Variants in XKR6 observed in about 807,000 individuals in gnomAD.
XKR6 encodes XK-related protein 6.
XKR6 carries 22 observed loss-of-function variants against 56.7 expected under a neutral mutation model. The observed-to-expected ratio is 0.39, with a 90% CI of 0.28 to 0.55. The LOEUF (loss-of-function observed/expected upper bound fraction) is 0.55, where lower values mean the gene tolerates loss of function less well. XKR6 is among the 20% of genes least tolerant of loss of function. The probability of loss-of-function intolerance (pLI) is 0.66; values close to 1 mark genes in which losing one functional copy is unlikely to be tolerated. For missense variants in XKR6, 852 were observed against 889.0 expected, an observed-to-expected ratio of 0.96 and a Z score of 0.53; for synonymous variants, 524 against 387.8, an observed-to-expected ratio of 1.35 and a Z score of -4.13.
At chr8:11,162,102 A>G (rs1801842302) in intron 1 of XKR6, among the ~76,000 whole-genome samples, 1 of 152,276 alleles carries the variant, frequency 6.6e-6, no homozygotes, top group African/African-American at 2.4e-5. Context: ...TGACCAAGAT[A>G]GAAAGCTTTT....
intron 1 of XKR6, among the ~76,000 whole-genome samples, chr8:11,135,362 T>C (rs563607941): frequency 3.8e-4 from 58 of 152,258 alleles, no homozygotes; most frequent in African/African-American, 1.1e-3. Flanking sequence ...GACAAAAATA[T>C]TGAGTTTCTG....
Position 10,924,816 on chromosome 8 carries a change from A to G in XKR6, c.779T>C (p.Met260Thr). ...CCGCTGGCTCTGAATCCCCAGGTACATGGTGCGGATATACCTGCCCAGAGA... is the reference window on the plus strand; with the variant it reads ...CCGCTGGCTCTGAATCCCCAGGTACGTGGTGCGGATATACCTGCCCAGAGA... ...MGQVWRYIRT[M>T]YLGIQSQRRK... Residue 260 changes from methionine (M) to threonine (T), a missense_variant, in exon 2 of 3, where the codon ATG becomes ACG. This residue lies in a region of XKR6 where 199 missense variants were observed against 280.4 expected (regional missense o/e 0.71). Coordinates refer to ENST00000416569, the MANE Select transcript of XKR6 (RefSeq NM_173683.4). The G allele has an allele frequency of 6.2e-7, 1 of 1,613,714 alleles. No individual in the cohort carries two copies. The highest frequency in any genetic ancestry group is 8.5e-7 in the Non-Finnish European group (1 of 1,179,844).
At chr8:11,089,592 G>A (rs1052673077) in intron 1 of XKR6, among the ~76,000 whole-genome samples, 3 of 152,150 alleles carry the variant, frequency 2.0e-5, no homozygotes, top group African/African-American at 7.2e-5. Context: ...AGCTATGACT[G>A]TTCTACTGTA....
At chr8:10,916,167 T>C (rs1398418515) in intron 2 of XKR6, among the ~76,000 whole-genome samples, 1 of 152,230 alleles carries the variant, frequency 6.6e-6, no homozygotes, top group African/African-American at 2.4e-5. Context: ...ACATAGGAAC[T>C]CTGGACCAGG....
intron 1 of XKR6, among the ~76,000 whole-genome samples, chr8:11,047,114 C>T (rs28455558): frequency 0.16 from 24,549 of 151,990 alleles, 3,070 homozygotes; most frequent in African/African-American, 0.36. Flanking sequence ...TATTGTCTAC[C>T]TGAAATTTAC....
intron 1 of XKR6, among the ~76,000 whole-genome samples, chr8:11,084,110 C>A (rs1189282768): frequency 6.6e-6 from 1 of 152,238 alleles, no homozygotes; most frequent in Non-Finnish European, 1.5e-5. Context: ...TCAGTTTCCA[C>A]AATGATACAC....
intron 1 of XKR6, among the ~76,000 whole-genome samples, chr8:11,130,301 T>C (rs1260609784): frequency 1.3e-5 from 2 of 152,124 alleles, no homozygotes; most frequent in African/African-American, 4.8e-5. Flanking sequence ...TCCTCTTCAC[T>C]TACTGGTCAA....
Position 11,085,859 on chromosome 8 carries a change from G to A in XKR6, c.764+114717C>T, listed in dbSNP as rs539147759. Among the ~76,000 whole-genome samples, 91 of 152,246 alleles carry A rather than the reference G, an allele frequency of 6.0e-4. 1 individual carries two copies. The highest frequency in any genetic ancestry group is 2.9e-3 in the Admixed American group (44 of 15,292). Reference sequence around the variant, plus strand: ...AGGGCCTGCAGATGCCCTACCTTGCGTCACTCAGGGAGTCTGAGAATGCTG... The same window carrying A: ...AGGGCCTGCAGATGCCCTACCTTGCATCACTCAGGGAGTCTGAGAATGCTG... On this transcript the variant is annotated intron_variant, in intron 1 of 2. Coordinates refer to ENST00000416569, the MANE Select transcript of XKR6 (RefSeq NM_173683.4).
At chr8:10,964,010 G>C (rs997424670) in intron 1 of XKR6, among the ~76,000 whole-genome samples, 2 of 152,230 alleles carry the variant, frequency 1.3e-5, no homozygotes, top group Non-Finnish European at 2.9e-5. Flanking sequence ...CTACCGCAGA[G>C]GGTGGTGGCA....
At chr8:11,088,039 T>G (rs891314395) in intron 1 of XKR6, among the ~76,000 whole-genome samples, 1 of 152,184 alleles carries the variant, frequency 6.6e-6, no homozygotes, top group Non-Finnish European at 1.5e-5. Flanking sequence ...TCCAGGAATG[T>G]AGTAGGAAGA....
chr8:11,093,257 G>C (rs189040912), intron 1 of XKR6, among the ~76,000 whole-genome samples: 1 of 152,228 alleles, frequency 6.6e-6, no homozygotes, highest in Admixed American at 6.5e-5. Context: ...CTTTCACCAT[G>C]TTGACCAGGC....
intron 1 of XKR6, among the ~76,000 whole-genome samples, chr8:11,142,858 A>G (rs994396873): frequency 5.9e-5 from 9 of 152,224 alleles, no homozygotes; most frequent in Non-Finnish European, 2.9e-5. Context: ...GAGAATGACA[A>G]TGAATTGTAA....
chr8:10,952,640 A>G (rs1347209565), intron 1 of XKR6, among the ~76,000 whole-genome samples: 1 of 152,108 alleles, frequency 6.6e-6, no homozygotes, highest in Non-Finnish European at 1.5e-5. Context: ...TTTTTTGTAG[A>G]GACGGTTATA....
In XKR6 at chr8:11,010,371, T is replaced by C. The variant is rs150094004; in HGVS notation, c.765-85541A>G. Among the ~76,000 whole-genome samples, 331 of 152,228 alleles carry C rather than the reference T, an allele frequency of 2.2e-3. 1 individual carries two copies. Among genetic ancestry groups the C allele is most frequent in the Middle Eastern group, 6.8e-3 (2 of 294 alleles). On this transcript the variant is annotated intron_variant, in intron 1 of 2. Transcript: ENST00000416569. ...CAAACCATACCAATAATAATAGTAATAGTAAAAACTGGTCCCAGGCACTTA... is the reference window on the plus strand; with the variant it reads ...CAAACCATACCAATAATAATAGTAACAGTAAAAACTGGTCCCAGGCACTTA...
chr8:10,937,306 A>AT (rs1801233282), intron 1 of XKR6, among the ~76,000 whole-genome samples: 1 of 140,788 alleles, frequency 7.1e-6, no homozygotes, highest in African/African-American at 2.7e-5. Context: ...ATACTTCTAA[A>AT]TTTTTTTCAA....
chr8:11,096,130 A>G (rs1215894052), intron 1 of XKR6, among the ~76,000 whole-genome samples: 1 of 152,256 alleles, frequency 6.6e-6, no homozygotes, highest in Admixed American at 6.5e-5. Context: ...AGATATTTTT[A>G]AAATATCTTT....
chr8:10,983,825 T>C (rs960920399), intron 1 of XKR6, among the ~76,000 whole-genome samples: 2 of 152,076 alleles, frequency 1.3e-5, no homozygotes, highest in Non-Finnish European at 2.9e-5. Context: ...CCGGCTAATT[T>C]TTTGTATTTT....
intron 1 of XKR6, among the ~76,000 whole-genome samples, chr8:11,079,723 G>T (rs898783956): frequency 1.2e-4 from 18 of 152,192 alleles, no homozygotes; most frequent in African/African-American, 4.3e-4. Flanking sequence ...ACTTTGGGAG[G>T]CCAATGTGGC....
intron 1 of XKR6, among the ~76,000 whole-genome samples, chr8:10,948,981 G>C (rs1012446509): frequency 1.2e-4 from 19 of 152,176 alleles, no homozygotes; most frequent in African/African-American, 4.6e-4. Context: ...GCAGCCTCTC[G>C]GGAGGCTCCT....
Sources: allele counts gnomAD v4.1 joint callset (sites outside exome capture counted in the v4.1 genomes callset), GRCh38; gene constraint gnomAD v4.1.1; regional missense constraint gnomAD v4.1.1; transcripts MANE v1.5; gene names NCBI Gene and HGNC (gene_info 2026-07-23, HGNC 2026-07-21).